The following WASF3 variants were observed in gnomAD, a reference collection of about 807,000 sequenced individuals.
WASF3 encodes the protein WASP family member 3, also known as actin-binding protein WASF3.
A neutral mutation model predicts 46.6 loss-of-function variants in WASF3; 11 were observed. The ratio of observed to expected loss-of-function variants is 0.24; its 90% confidence interval spans 0.15 to 0.39. The LOEUF (loss-of-function observed/expected upper bound fraction) is 0.39, where lower values mean the gene tolerates loss of function less well. Ranked by LOEUF, WASF3 falls within the 10% of genes least tolerant of loss-of-function variation. WASF3 has a pLI of 1.00. For synonymous variants in WASF3, 242 were observed against 259.7 expected, an observed-to-expected ratio of 0.93 and a Z score of 0.65; for missense variants, 576 against 669.8, an observed-to-expected ratio of 0.86 and a Z score of 1.55.
chr13:26,649,232 CT>C (rs1882239576), intron 3 of WASF3, among the ~76,000 whole-genome samples: 1 of 152,096 alleles, frequency 6.6e-6, no homozygotes, highest in Non-Finnish European at 1.5e-5. Context: ...ATCTACTATT[CT>C]TTTACGTACG....
chr13:26,639,634 C>T (rs560938802), intron 2 of WASF3: 3 of 152,124 alleles, frequency 2.0e-5, no homozygotes, highest in African/African-American at 7.2e-5. Context: ...ACATGTTGTC[C>T]CTTCCAAATC....
chr13:26,635,300 C>T (rs980570304), intron 2 of WASF3, among the ~76,000 whole-genome samples: 2 of 152,148 alleles, frequency 1.3e-5, no homozygotes, highest in East Asian at 1.9e-4. Flanking sequence ...CTTGTGCATG[C>T]GTCATGAAGT....
At chr13:26,563,274 G>A (rs1356008038) in intron 1 of WASF3, among the ~76,000 whole-genome samples, 1 of 151,802 alleles carries the variant, frequency 6.6e-6, no homozygotes, top group East Asian at 1.9e-4. Context: ...TGCCCAAGCT[G>A]GTCTTGAACT....
chr13:26,638,895 T>C (rs1288417625), intron 2 of WASF3, among the ~76,000 whole-genome samples: 26 of 152,216 alleles, frequency 1.7e-4, no homozygotes, highest in Non-Finnish European at 7.3e-5. Context: ...AATGGATTAC[T>C]TCCTGTGAGG....
chr13:26,540,111 A>G, the WASF3 span, among the ~76,000 whole-genome samples: 5 of 152,164 alleles, frequency 3.3e-5, no homozygotes, highest in Non-Finnish European at 5.9e-5. Context: ...GGTCCCACCC[A>G]TGGCTTGTGG....
At chr13:26,594,466 G>A (rs1880399029) in intron 1 of WASF3, among the ~76,000 whole-genome samples, 1 of 152,178 alleles carries the variant, frequency 6.6e-6, no homozygotes, top group African/African-American at 2.4e-5. Context: ...GTTTCCTCTT[G>A]ATCCTCAGCT....
chr13:26,539,509 T>C, the WASF3 span, among the ~76,000 whole-genome samples: 78 of 152,294 alleles, frequency 5.1e-4, no homozygotes, highest in Middle Eastern at 6.8e-3. Context: ...GTTAAGACTC[T>C]TGTGGTAAAT....
chr13:26,547,827 G>C, the WASF3 span, among the ~76,000 whole-genome samples: 7 of 152,124 alleles, frequency 4.6e-5, no homozygotes, highest in Non-Finnish European at 7.4e-5. Flanking sequence ...CTGGACACTT[G>C]TCCACATTGA....
intron 2 of WASF3, among the ~76,000 whole-genome samples, chr13:26,634,823 C>T (rs1305821018): frequency 2.6e-5 from 4 of 152,214 alleles, no homozygotes; most frequent in African/African-American, 9.7e-5. Flanking sequence ...CCCCCATTCT[C>T]TTCTGGCTTG....
In WASF3 at chr13:26,679,771, CA is replaced by C. The variant is rs1458353953; in HGVS notation, c.717-1279del. Reference sequence around the variant, plus strand: ...TCATTTGCTAGCAGCTCACCTAGTTCAAAAGACATAATCAGAAGTGCACCAT... The same window carrying C: ...TCATTTGCTAGCAGCTCACCTAGTTCAAAGACATAATCAGAAGTGCACCAT... On this transcript the variant is annotated intron_variant, in intron 7 of 9. Coordinates refer to ENST00000335327, the MANE Select transcript of WASF3 (RefSeq NM_006646.6). This position sits in a 1 kb window ranked among gnomAD's most constrained non-coding sequence, Gnocchi z 4.8. Among the ~76,000 whole-genome samples the C allele has an allele frequency of 6.6e-6, 1 of 152,138 alleles. No individual in the cohort carries two copies. The highest frequency in any genetic ancestry group is 1.5e-5 in the Non-Finnish European group (1 of 68,030).
chr13:26,580,549 A>G (rs925853682), intron 1 of WASF3, among the ~76,000 whole-genome samples: 8 of 150,868 alleles, frequency 5.3e-5, no homozygotes, highest in African/African-American at 1.7e-4. Flanking sequence ...GCTTGTTGAT[A>G]TTTTGGTTTT....
chr13:26,612,342 T>C (rs1393275938), intron 1 of WASF3, among the ~76,000 whole-genome samples: 3 of 152,240 alleles, frequency 2.0e-5, no homozygotes. Flanking sequence ...GTCATGCTTC[T>C]TGTTACCTCA....
intron 7 of WASF3, chr13:26,680,244 C>T (rs1253856326): frequency 2.6e-6 from 4 of 1,521,666 alleles, no homozygotes; most frequent in South Asian, 2.6e-5. Context: ...CTCAGACTGC[C>T]CCTGCTTCTG....
At chr13:26,681,983 C>T (rs773926112) in intron 8 of WASF3, among the ~76,000 whole-genome samples, 4 of 152,198 alleles carry the variant, frequency 2.6e-5, no homozygotes, top group Non-Finnish European at 5.9e-5. Flanking sequence ...GTCTGAATGA[C>T]AATCCTGCTC....
chr13:26,594,943 T>A (rs535827048), intron 1 of WASF3, among the ~76,000 whole-genome samples: 1 of 152,342 alleles, frequency 6.6e-6, no homozygotes, highest in African/African-American at 2.4e-5. Flanking sequence ...TGGGAAGTCT[T>A]TCTTTACCTA....
At chr13:26,552,910 G>A (rs1015809853), upstream of WASF3, among the ~76,000 whole-genome samples, 2 of 152,204 alleles carry the variant, frequency 1.3e-5, no homozygotes, top group African/African-American at 4.8e-5. Context: ...TTTATTAAGT[G>A]TCTTGAGAAA....
Position 26,685,964 on chromosome 13 carries a change from A to G in WASF3, c.*119A>G. On this transcript the variant is annotated 3_prime_UTR_variant, in exon 10 of 10. Coordinates refer to ENST00000335327, the MANE Select transcript of WASF3 (RefSeq NM_006646.6). Reference sequence around the variant, plus strand: ...GCACCTTTTGTATAAACAATGTGATATTGCTTCTGCACATCCAAAAATTCT... The same window carrying G: ...GCACCTTTTGTATAAACAATGTGATGTTGCTTCTGCACATCCAAAAATTCT... 3 of 1,368,592 alleles carry G rather than the reference A, an allele frequency of 2.2e-6. No homozygotes were observed. The highest frequency in any genetic ancestry group is 2.9e-6 in the Non-Finnish European group (3 of 1,029,090). The allele number at this position is 1,368,592 out of a possible 1,614,324, so 84.8% of individuals were successfully genotyped here. A position where few individuals can be genotyped will look rare whatever the true frequency, so the allele number is the denominator to read the frequency against.
chr13:26,647,481 T>G (rs1882184581), intron 3 of WASF3, among the ~76,000 whole-genome samples: 1 of 152,172 alleles, frequency 6.6e-6, no homozygotes, highest in African/African-American at 2.4e-5. Context: ...TGATTAATAA[T>G]CTGAATGCTC....
intron 1 of WASF3, among the ~76,000 whole-genome samples, chr13:26,582,260 A>G (rs1396371315): frequency 1.3e-5 from 2 of 152,176 alleles, no homozygotes; most frequent in Admixed American, 6.5e-5. Context: ...CTGATGGGAC[A>G]GGTCAGGAGC....
Sources: gnomAD v4.1 joint callset for allele counts (sites outside exome capture counted in the v4.1 genomes callset) on GRCh38, gnomAD v4.1.1 for gene constraint, Gnocchi (gnomAD v3.1) non-coding constraint, MANE v1.5 for transcripts, NCBI Gene and HGNC (gene_info 2026-07-23, HGNC 2026-07-21) for gene names.